The following GNPTAB variants were observed in gnomAD, a reference collection of about 807,000 sequenced individuals.
GNPTAB encodes the protein N-acetylglucosamine-1-phosphate transferase subunits alpha and beta, also known as N-acetylglucosamine-1-phosphotransferase subunits alpha/beta.
GNPTAB carries 92 observed loss-of-function variants against 136.6 expected under a neutral mutation model. The ratio of observed to expected loss-of-function variants is 0.67; its 90% CI spans 0.57 to 0.80. The LOEUF is 0.80. Ranked by LOEUF, GNPTAB falls within the 30% of genes least tolerant of loss-of-function variation. GNPTAB has a pLI of 0.00. For missense variants in GNPTAB, 1,343 were observed against 1,501.8 expected (o/e 0.89, Z 1.75); for synonymous variants, 512 against 535.1 (o/e 0.96, Z 0.60).
At chr12:101,749,441 CT>C (rs1378043022) in intron 19 of GNPTAB, among the ~76,000 whole-genome samples, 1 of 152,308 alleles carries the variant, frequency 6.6e-6, no homozygotes, top group East Asian at 1.9e-4. Context: ...AAGAAAATTA[CT>C]TCTGGCACTT....
At chr12:101,798,973 G>A (rs543373177) in intron 1 of GNPTAB, among the ~76,000 whole-genome samples, 13 of 152,202 alleles carry the variant, frequency 8.5e-5, no homozygotes, top group Admixed American at 3.9e-4. Context: ...GGTTTGACAC[G>A]TACCATAGAT....
chr12:101,750,937 A>C (rs1254249615), intron 19 of GNPTAB, among the ~76,000 whole-genome samples: 1 of 152,092 alleles, frequency 6.6e-6, no homozygotes, highest in Non-Finnish European at 1.5e-5. Flanking sequence ...GACTGTTTCT[A>C]GGACTAGTGA....
At chr12:101,794,752 A>T (rs1365138494) in intron 2 of GNPTAB, among the ~76,000 whole-genome samples, 1 of 152,138 alleles carries the variant, frequency 6.6e-6, no homozygotes, top group Non-Finnish European at 1.5e-5. Flanking sequence ...TGCATTTTCT[A>T]ATAAGCTAGT....
intron 1 of GNPTAB, among the ~76,000 whole-genome samples, chr12:101,799,826 A>G (rs1475555048): frequency 6.6e-6 from 1 of 151,754 alleles, no homozygotes; most frequent in African/African-American, 2.4e-5. Context: ...TACCTGCCGC[A>G]AAACACAGCA....
At chr12:101,773,391 C>A in intron 7 of GNPTAB, 2 of 288,350 alleles carry the variant, frequency 6.9e-6, no homozygotes, top group Admixed American at 3.8e-5. Flanking sequence ...TTCACGAAGT[C>A]CCGAAGCTCG....
At chr12:101,753,574 T>A (rs1486471936) in intron 18 of GNPTAB, 35 bp from the exon 19 acceptor site, 1 of 1,557,502 alleles carries the variant, frequency 6.4e-7, no homozygotes, top group East Asian at 2.2e-5. Flanking sequence ...ATTAGTTACA[T>A]ATGGATAATC....
chr12:101,790,033 G>A lies in GNPTAB; in HGVS notation c.228C>T (p.Asp76=), dbSNP rs540190619. 9.9e-5 allele frequency: 160 copies of A among 1,614,034 alleles called. 1 individual carries two copies. In the South Asian group the frequency reaches 1.5e-3, roughly 15 times the overall value. ...QNRLCLPMPI[D]VVYTWVNGTD... ...TGCCATTCACCCAGGTGTAAACAAC[G>A]TCAATCGGCATGGGCAGACAAAGCC... Residue 76 remains aspartate, a synonymous_variant, in exon 3 of 21, where the codon GAC becomes GAT. Coordinates refer to ENST00000299314, the MANE Select transcript of GNPTAB (RefSeq NM_024312.5).
intron 7 of GNPTAB, chr12:101,779,407 C>T (rs1470879279): frequency 6.6e-6 from 1 of 152,422 alleles, no homozygotes; most frequent in African/African-American, 2.4e-5. Flanking sequence ...AGAACACCCA[C>T]ATGGACTATG....
chr12:101,750,228 A>G (rs886941887), intron 19 of GNPTAB, among the ~76,000 whole-genome samples: 4 of 152,208 alleles, frequency 2.6e-5, no homozygotes, highest in Non-Finnish European at 5.9e-5. Context: ...ATAGGTTTGG[A>G]AGATATGCTA....
chr12:101,825,447 T>C (rs1267581720), intron 1 of GNPTAB, among the ~76,000 whole-genome samples: 1 of 152,208 alleles, frequency 6.6e-6, no homozygotes, highest in Non-Finnish European at 1.5e-5. Context: ...TTACTTGAAA[T>C]AAATTTGAAA....
At chr12:101,767,304 C>T (rs374955848) in intron 11 of GNPTAB, among the ~76,000 whole-genome samples, 131 of 152,212 alleles carry the variant, frequency 8.6e-4, no homozygotes, top group African/African-American at 2.7e-3. Flanking sequence ...TAACAAATTG[C>T]TATTATCAAC....
intron 1 of GNPTAB, among the ~76,000 whole-genome samples, chr12:101,812,287 AACTC>A (rs767706596): frequency 2.0e-5 from 3 of 152,064 alleles, no homozygotes; most frequent in Non-Finnish European, 4.4e-5. Context: ...CAGATCTGAG[AACTC>A]ACTCACTAAC....
rs909727375 is a variant in GNPTAB at position 101,777,710 on chromosome 12, C to T, written c.771+2442G>A. On this transcript the variant is annotated intron_variant, in intron 7 of 20. Transcript: ENST00000299314. ...AAAAGGTGTTTTGTTTGGTTGGGAA[C>T]GCAGTGATAGGAAACTTCATTCTCA... Among the ~76,000 whole-genome samples the T allele has an allele frequency of 1.6e-4, 24 of 152,292 alleles. No individual in the cohort carries two copies. The South Asian group carries it at 2.5e-3, about 16-fold the overall frequency.
At position 101,761,646 on chromosome 12, in the gene GNPTAB, T is replaced by G; in HGVS notation, c.2833A>C (p.Lys945Gln). 3 of 1,614,148 alleles carry G rather than the reference T, an allele frequency of 1.9e-6. No individual in the cohort carries two copies. The highest frequency in any genetic ancestry group is 2.5e-6 in the Non-Finnish European group (3 of 1,179,980). ...LRYVNKILNSKFGFTSRKVPA... is the reference protein window; with the variant it reads ...LRYVNKILNSQFGFTSRKVPA... ...ACTTTCCGCGATGTGAATCCAAACTTGCTATTTAGAATTTTATTTACATAT... is the reference window on the plus strand; with the variant it reads ...ACTTTCCGCGATGTGAATCCAAACTGGCTATTTAGAATTTTATTTACATAT... The change falls in exon 14 of 21, where the codon AAG (lysine) becomes CAG (glutamine). Residue 945 changes from lysine to glutamine, a missense_variant. By Grantham distance (53) the Lys-to-Gln change is moderately conservative (BLOSUM62 1). Transcript: ENST00000299314.
chr12:101,798,719 G>A (rs950496265), intron 1 of GNPTAB, among the ~76,000 whole-genome samples: 6 of 152,108 alleles, frequency 3.9e-5, no homozygotes, highest in African/African-American at 1.2e-4. Flanking sequence ...CTATTGCAGC[G>A]AGCTCACATG....
At chr12:101,760,236 G>T (rs1952972995) in intron 15 of GNPTAB, 93 bp from the exon 16 acceptor site, 5 of 810,070 alleles carry the variant, frequency 6.2e-6, no homozygotes, top group Admixed American at 1.8e-5. Flanking sequence ...TTCCAAAAAT[G>T]GTTTAAATGC....
chr12:101,805,521 C>T (rs996172978), intron 1 of GNPTAB, among the ~76,000 whole-genome samples: 1 of 152,110 alleles, frequency 6.6e-6, no homozygotes, highest in Non-Finnish European at 1.5e-5. Context: ...CAGCCTCCTG[C>T]GTAGCTGCGA....
chr12:101,799,661 A>G (rs1869493463), intron 1 of GNPTAB, among the ~76,000 whole-genome samples: 1 of 152,224 alleles, frequency 6.6e-6, no homozygotes, highest in South Asian at 2.1e-4. Context: ...AACCTGAACA[A>G]GAGTTCTTTT....
chr12:101,753,401 A>T lies in GNPTAB; in HGVS notation c.3573T>A (p.Arg1191=), dbSNP rs780415252. The T allele has an allele frequency of 6.2e-7, 1 of 1,614,100 alleles. No homozygotes were observed. The highest frequency in any genetic ancestry group is 1.7e-5 in the Admixed American group (1 of 60,030). ...QFELPREYRN[R]FLHMHELQEW... is the part of the protein sequence containing the mutation. ...CCTGCAGCTCATGCATATGAAGGAA[A>T]CGGTTTCGATACTCTCTTGGCAGTT... The change falls in exon 19 of 21, where the codon CGT becomes CGA. Residue 1191 remains arginine (R), a synonymous_variant. Coordinates refer to ENST00000299314, the MANE Select transcript of GNPTAB (RefSeq NM_024312.5).
Sources: allele counts gnomAD v4.1 joint callset (sites outside exome capture counted in the v4.1 genomes callset), GRCh38; gene constraint gnomAD v4.1.1; transcripts MANE v1.5; gene names NCBI Gene and HGNC (gene_info 2026-07-23, HGNC 2026-07-21).